Variants in MAD1L1 observed in about 807,000 individuals in gnomAD.
The protein encoded by MAD1L1 is mitotic arrest deficient 1 like 1, also known as mitotic spindle assembly checkpoint protein MAD1.
MAD1L1 carries 95 observed loss-of-function variants against 96.9 expected under a neutral mutation model. That is an observed-to-expected ratio of 0.98 (90% CI 0.83 to 1.16). The LOEUF (loss-of-function observed/expected upper bound fraction) is 1.16, where lower values mean the gene tolerates loss of function less well. Among genes scored for constraint, MAD1L1 ranks in the 50% most tolerant of loss-of-function variants. The probability of loss-of-function intolerance (pLI) is 0.00; values close to 1 mark genes in which losing one functional copy is unlikely to be tolerated. For synonymous variants in MAD1L1, 473 were observed against 396.6 expected (o/e 1.19, Z -2.29); for missense variants, 1,007 against 954.4 (o/e 1.06, Z -0.73).
chr7:1,845,541 ACGCGTCCGGCTC>A (rs1480126835), intron 18 of MAD1L1: 2 of 68,962 alleles, frequency 2.9e-5, no homozygotes. Context: ...CCACGCAGAC[ACGCGTCCGGCTC>A]TGGTTCACGG....
intron 11 of MAD1L1, among the ~76,000 whole-genome samples, chr7:2,140,619 G>A (rs1022998526): frequency 5.3e-5 from 8 of 152,200 alleles, no homozygotes; most frequent in South Asian, 4.1e-4. Context: ...AGCCGGCCCC[G>A]CATCCCAGCA....
At chr7:1,877,167 A>G (rs1785427859) in intron 18 of MAD1L1, among the ~76,000 whole-genome samples, 1 of 152,282 alleles carries the variant, frequency 6.6e-6, no homozygotes, top group South Asian at 2.1e-4. Flanking sequence ...AAACAGACTG[A>G]CATAGAGCTG....
At chr7:1,972,682 C>T (rs866159013) in intron 15 of MAD1L1, among the ~76,000 whole-genome samples, 2 of 151,284 alleles carry the variant, frequency 1.3e-5, no homozygotes, top group African/African-American at 2.4e-5. Context: ...GCTTTTTGCT[C>T]ATGTTATTTC....
chr7:1,860,389 G>A (rs550348951), intron 18 of MAD1L1, among the ~76,000 whole-genome samples: 3 of 148,358 alleles, frequency 2.0e-5, no homozygotes, highest in Admixed American at 6.8e-5. Context: ...GACATCCTGC[G>A]GGGCGGCCTC....
In MAD1L1 at chr7:1,940,720, G is replaced by A. The variant is rs183915848; in HGVS notation, c.1597-3823C>T. Among the ~76,000 whole-genome samples the A allele has an allele frequency of 4.7e-3, 723 of 152,314 alleles. 3 individuals carry two copies. The highest frequency in any genetic ancestry group is 0.016 in the African/African-American group (652 of 41,570). On this transcript the variant is annotated intron_variant, in intron 16 of 18. Coordinates refer to ENST00000265854, the MANE Select transcript of MAD1L1 (RefSeq NM_001013836.2). Reference sequence around the variant, plus strand: ...GCATGGGCCCCGCTGACGGAGCTGCGGGCACGGAAACACGAATCTGAATTT... The same window carrying A: ...GCATGGGCCCCGCTGACGGAGCTGCAGGCACGGAAACACGAATCTGAATTT...
chr7:2,038,075 A>C (rs919083357), intron 12 of MAD1L1, among the ~76,000 whole-genome samples: 1 of 152,214 alleles, frequency 6.6e-6, no homozygotes, highest in East Asian at 1.9e-4. Flanking sequence ...AGAAAGTGAA[A>C]CTGTCTTATT....
At position 1,826,359 on chromosome 7, in the gene MAD1L1, C is replaced by A. The variant is rs187256217; in HGVS notation, c.1999-10131G>T. Among the ~76,000 whole-genome samples, 398 of 152,312 alleles carry A rather than the reference C, an allele frequency of 2.6e-3. 2 individuals carry two copies. The highest frequency in any genetic ancestry group is 8.8e-3 in the African/African-American group (366 of 41,570). On this transcript the variant is annotated intron_variant, in intron 18 of 18. Transcript: ENST00000265854. The stretch of plus-strand genomic sequence containing the variant: ...TCGGCCGAGGGCCTCCTCCTCCAGG[C>A]TGGCCACAGGACTTGTTACAGCCTA...
chr7:1,888,320 G>C (rs1304030258), intron 18 of MAD1L1, among the ~76,000 whole-genome samples: 6 of 141,200 alleles, frequency 4.2e-5, no homozygotes, highest in Non-Finnish European at 4.8e-5. Flanking sequence ...GCCTATGTGT[G>C]TGTGTGCATG....
At chr7:2,136,275 C>T (rs575264646) in intron 11 of MAD1L1, among the ~76,000 whole-genome samples, 1 of 152,300 alleles carries the variant, frequency 6.6e-6, no homozygotes, top group East Asian at 1.9e-4. Context: ...TGAGAGGCAA[C>T]GTGGTGAGAG....
At chr7:2,195,592 T>G (rs1028504222) in intron 10 of MAD1L1, among the ~76,000 whole-genome samples, 4 of 152,224 alleles carry the variant, frequency 2.6e-5, no homozygotes, top group Admixed American at 1.3e-4. Flanking sequence ...GACTGTTTGA[T>G]TCCATGAAAC....
At chr7:2,224,542 C>T (rs766032335) in intron 4 of MAD1L1, among the ~76,000 whole-genome samples, 5 of 152,192 alleles carry the variant, frequency 3.3e-5, no homozygotes, top group African/African-American at 7.2e-5. Context: ...ACCAGCATCA[C>T]ACCCCGGAAG....
At position 1,950,084 on chromosome 7, in the gene MAD1L1, C is replaced by T. The variant is rs529882439; in HGVS notation, c.1596+7545G>A. On this transcript the variant is annotated intron_variant, in intron 16 of 18. Coordinates refer to ENST00000265854, the MANE Select transcript of MAD1L1 (RefSeq NM_001013836.2). ...GGGACAGCAGAGACTACTAGACGAT[C>T]TCTAGACAAAGGACAAGGGCTCGTG... is the stretch of plus-strand genomic sequence containing the variant. Among the ~76,000 whole-genome samples the T allele has an allele frequency of 7.8e-3, 287 of 36,566 alleles. 1 individual carries two copies. The highest frequency in any genetic ancestry group is 0.012 in the African/African-American group (269 of 23,264). 24.0% of individuals were successfully genotyped at this position (36,566 alleles called of 152,430 possible).
In MAD1L1 at chr7:2,204,347, C is replaced by G. The variant is rs571285563; in HGVS notation, c.986+8865G>C. ...CAGGCCAGCTTGAGTGAGGTATGATCTGCGCACGTGAACAGTTTGACAAGA... is the reference window on the plus strand; with the variant it reads ...CAGGCCAGCTTGAGTGAGGTATGATGTGCGCACGTGAACAGTTTGACAAGA... On this transcript the variant is annotated intron_variant, in intron 10 of 18. Coordinates refer to ENST00000265854, the MANE Select transcript of MAD1L1 (RefSeq NM_001013836.2). 2.6e-5 allele frequency among the ~76,000 whole-genome samples: 4 copies of G among 152,304 alleles called. No homozygotes were observed. The South Asian group carries it at 8.3e-4, about 32-fold the overall frequency.
At chr7:1,841,215 T>G (rs985389608) in intron 18 of MAD1L1, among the ~76,000 whole-genome samples, 1 of 151,940 alleles carries the variant, frequency 6.6e-6, no homozygotes, top group Non-Finnish European at 1.5e-5. Context: ...GGTCCTGGGT[T>G]AAAAATATCC....
At chr7:2,034,237 G>A (rs568162236) in intron 12 of MAD1L1, among the ~76,000 whole-genome samples, 25 of 138,588 alleles carry the variant, frequency 1.8e-4, no homozygotes, top group Admixed American at 4.4e-4. Flanking sequence ...TTTTTTTTTG[G>A]AGACGGAGTC....
rs1413432199 is a variant in MAD1L1, at chr7:1,822,429, C to CATATATATAT, written c.1999-6211_1999-6202dup. 1.1e-3 allele frequency among the ~76,000 whole-genome samples: 135 copies of CATATATATAT among 127,924 alleles called. 4 individuals are homozygous for CATATATATAT. In the South Asian group the frequency reaches 0.024, roughly 23 times the overall value. 83.9% of individuals were successfully genotyped at this position (127,924 alleles called of 152,430 possible). On this transcript the variant is annotated intron_variant, in intron 18 of 18. Transcript: ENST00000265854. ...AAGGTAATTGCTGTCCAAACCTCAG[C>CATATATATAT]ATATATATATATATTTTTTTTTTTT... is the stretch of plus-strand genomic sequence containing the variant.
At chr7:1,935,293 C>T (rs754327298) in intron 17 of MAD1L1, among the ~76,000 whole-genome samples, 1 of 152,254 alleles carries the variant, frequency 6.6e-6, no homozygotes, top group Non-Finnish European at 1.5e-5. Context: ...GGCTCAGGCC[C>T]TCACAGCCAC....
At chr7:1,989,776 C>A (rs1460912701) in intron 14 of MAD1L1, among the ~76,000 whole-genome samples, 1 of 152,220 alleles carries the variant, frequency 6.6e-6, no homozygotes, top group East Asian at 1.9e-4. Context: ...TCGGCATGGC[C>A]CAGCCTCAGT....
intron 18 of MAD1L1, among the ~76,000 whole-genome samples, chr7:1,840,059 A>G (rs904766786): frequency 3.9e-5 from 6 of 152,232 alleles, no homozygotes; most frequent in African/African-American, 1.4e-4. Flanking sequence ...GGCGAGGGCC[A>G]GACGAGTGAG....
Sources: allele counts gnomAD v4.1 joint callset (sites outside exome capture counted in the v4.1 genomes callset), GRCh38; gene constraint gnomAD v4.1.1; transcripts MANE v1.5; gene names NCBI Gene and HGNC (gene_info 2026-07-23, HGNC 2026-07-21).